CCZ1: variants seen among roughly 807,000 people sequenced by gnomAD.
The protein encoded by CCZ1 is vacuolar fusion protein CCZ1 homolog.
A neutral mutation model predicts 57.8 loss-of-function variants in CCZ1; 19 were observed. The ratio of observed to expected loss-of-function variants is 0.33; its 90% CI spans 0.23 to 0.48. The LOEUF (loss-of-function observed/expected upper bound fraction) is 0.48. Ranked by LOEUF, CCZ1 falls within the 20% of genes least tolerant of loss-of-function variation. The pLI is 0.99. For missense variants in CCZ1, 200 were observed against 492.0 expected (o/e 0.41, Z 5.61); for synonymous variants, 81 against 167.0 (o/e 0.49, Z 3.97).
chr7:5,899,340 T>TGG (rs1384547538), intron 1 of CCZ1, among the ~76,000 whole-genome samples: 818 of 5,130 alleles, frequency 0.16, 8 homozygotes, highest in African/African-American at 0.3. Context: ...GGGGGGTGTG[T>TGG]GTGTGTGTGT....
chr7:5,909,919 C>T, intron 7 of CCZ1, 116 bp from the exon 8 acceptor site: 1 of 714,942 alleles, frequency 1.4e-6, no homozygotes. Context: ...AGAATTTATT[C>T]TGTGTTACTA....
chr7:5,902,524 G>C (rs1781707362), intron 5 of CCZ1, 137 bp from the exon 6 acceptor site: 1 of 1,358,096 alleles, frequency 7.4e-7, no homozygotes, highest in Admixed American at 3.2e-5. Flanking sequence ...GTTTTCTCAT[G>C]TAAATATTCT....
intron 8 of CCZ1, among the ~76,000 whole-genome samples, 175 bp from the exon 9 acceptor site, chr7:5,911,686 C>T (rs11983122): frequency 0.24 from 35,268 of 144,492 alleles, 4,783 homozygotes; most frequent in African/African-American, 0.37. Flanking sequence ...TTCAAGGCTG[C>T]AGTGAGCCAT....
intron 6 of CCZ1, among the ~76,000 whole-genome samples, chr7:5,903,877 C>A (rs1265850012): frequency 6.9e-6 from 1 of 144,266 alleles, no homozygotes; most frequent in Non-Finnish European, 1.5e-5. Context: ...CGCCTGTAAT[C>A]CCAGCTATTC....
At chr7:5,916,332 C>T (rs866643464) in intron 10 of CCZ1, among the ~76,000 whole-genome samples, 7 of 122,410 alleles carry the variant, frequency 5.7e-5, no homozygotes, top group East Asian at 5.8e-4. Flanking sequence ...GGAAGAATGG[C>T]GGCACTCACA....
rs1410550416 is a variant in CCZ1 at position 5,916,526 on chromosome 7, T to C, written c.955-2341T>C. 1.1e-4 allele frequency among the ~76,000 whole-genome samples: 15 copies of C among 137,924 alleles called. 1 individual carries two copies. Among genetic ancestry groups the C allele is most frequent in the African/African-American group, 4.0e-4 (14 of 35,154 alleles). The allele number at this position is 137,924 out of a possible 152,430, so 90.5% of individuals were successfully genotyped here. A position where few individuals can be genotyped will look rare whatever the true frequency, so the allele number is the denominator to read the frequency against. ...TTTTGTTTTTTTTTTTTTTGGTTTT[T>C]TGGTTTTTGAGATGGAGTCCCACTC... On this transcript the variant is annotated intron_variant, in intron 10 of 14. Transcript: ENST00000325974.
At chr7:5,923,000 G>A (rs1392149380) in intron 12 of CCZ1, among the ~76,000 whole-genome samples, 1 of 146,804 alleles carries the variant, frequency 6.8e-6, no homozygotes, top group Non-Finnish European at 1.5e-5. Context: ...GCAATGGCGA[G>A]GTTCCCGTGA....
chr7:5,912,146 C>G (rs1236374220), intron 9 of CCZ1, among the ~76,000 whole-genome samples: 1 of 147,542 alleles, frequency 6.8e-6, no homozygotes. Flanking sequence ...TTAGTAGAAA[C>G]AGGGTTTCAT....
At chr7:5,910,214 C>G in intron 8 of CCZ1, 98 bp downstream of exon 8, 1 of 1,035,932 alleles carries the variant, frequency 9.7e-7, no homozygotes, top group Non-Finnish European at 1.5e-6. Context: ...CTGATCGTTT[C>G]TGATGTATGT....
intron 6 of CCZ1, among the ~76,000 whole-genome samples, chr7:5,903,625 TTC>T (rs1318160545): frequency 7.3e-6 from 1 of 137,062 alleles, no homozygotes; most frequent in Non-Finnish European, 1.5e-5. Context: ...TTGTCCTCAT[TTC>T]TCTCTTACCC....
At position 5,911,379 on chromosome 7, in the gene CCZ1, C is replaced by G. The variant is rs181384673; in HGVS notation, c.781-482C>G. On this transcript the variant is annotated intron_variant, in intron 8 of 14. Transcript: ENST00000325974. ...GACGAGGTCTCACTTTGTTGACTCG[C>G]ATGGTCTCAAACTCCTGGGCTCAAG... 1.1e-3 allele frequency among the ~76,000 whole-genome samples: 167 copies of G among 148,740 alleles called. 12 individuals carry two copies. The highest frequency in any genetic ancestry group is 1.6e-3 in the East Asian group (7 of 4,484).
chr7:5,912,954 G>C lies in CCZ1; in HGVS notation c.954G>C (p.Lys318Asn). Residue 318 changes from lysine to asparagine, a missense_variant and splice_region_variant, in exon 10 of 15, where the codon AAG (lysine) becomes AAC (asparagine). By Grantham distance (94) the Lys-to-Asn change is moderately conservative (BLOSUM62 0). Coordinates refer to ENST00000325974, the MANE Select transcript of CCZ1 (RefSeq NM_015622.6). ...TYEELHLIVY[K>N]AMSAAVCFMI... Reference sequence around the variant, plus strand: ...AAGAGCTCCATTTAATCGTTTATAAGGTAACAACTGTTTTCCTTCCAGCGT... The same window carrying C: ...AAGAGCTCCATTTAATCGTTTATAACGTAACAACTGTTTTCCTTCCAGCGT... 1.2e-6 allele frequency: 2 copies of C among 1,606,438 alleles called. No individual in the cohort carries two copies. The highest frequency in any genetic ancestry group is 1.7e-6 in the Non-Finnish European group (2 of 1,176,904).
At chr7:5,915,308 A>G (rs1381279253) in intron 10 of CCZ1, among the ~76,000 whole-genome samples, 3 of 149,554 alleles carry the variant, frequency 2.0e-5, no homozygotes, top group African/African-American at 7.3e-5. Context: ...CAGAGCAGGA[A>G]TTGGAGTAGG....
intron 7 of CCZ1, among the ~76,000 whole-genome samples, chr7:5,905,759 C>A (rs111837876): frequency 2.6e-5 from 2 of 75,792 alleles, no homozygotes; most frequent in African/African-American, 5.2e-5. Flanking sequence ...CCCAGCCTGG[C>A]AACAGAGAGA....
intron 7 of CCZ1, among the ~76,000 whole-genome samples, chr7:5,907,686 G>C (rs951466590): frequency 6.9e-6 from 1 of 145,642 alleles, no homozygotes; most frequent in South Asian, 2.4e-4. Context: ...CGTCATCTTG[G>C]AATAGCATCT....
chr7:5,907,480 G>T (rs1056552092), intron 7 of CCZ1, among the ~76,000 whole-genome samples: 1 of 148,176 alleles, frequency 6.7e-6, no homozygotes, highest in Admixed American at 6.7e-5. Context: ...CTGAGATTCT[G>T]ATCTCTGGGA....
At chr7:5,910,378 G>A in intron 8 of CCZ1, 1 of 360,608 alleles carries the variant, frequency 2.8e-6, no homozygotes, top group Non-Finnish European at 4.8e-6. Flanking sequence ...TTGTTTGTTT[G>A]GTTTTTGAGA....
intron 1 of CCZ1, among the ~76,000 whole-genome samples, chr7:5,899,384 G>T (rs868082893): frequency 9.1e-4 from 85 of 93,848 alleles, no homozygotes; most frequent in Admixed American, 2.0e-3. Context: ...TGTGTGTGTG[G>T]TTTTTCTGAG....
At chr7:5,909,679 C>T (rs1781921079) in intron 7 of CCZ1, among the ~76,000 whole-genome samples, 1 of 140,620 alleles carries the variant, frequency 7.1e-6, no homozygotes, top group African/African-American at 2.7e-5. Context: ...GCCTGGGTGA[C>T]AGAGCAAGAC....
Sources: gnomAD v4.1 joint callset for allele counts (sites outside exome capture counted in the v4.1 genomes callset) on GRCh38, gnomAD v4.1.1 for gene constraint, MANE v1.5 for transcripts, NCBI Gene and HGNC (gene_info 2026-07-23, HGNC 2026-07-21) for gene names.